The following CMIP variants were observed in gnomAD, a reference collection of about 807,000 sequenced individuals.
CMIP encodes the protein C-Maf-inducing protein.
CMIP carries 13 observed loss-of-function variants against 97.3 expected under a neutral mutation model. The observed-to-expected ratio is 0.13, with a 90% CI of 0.09 to 0.21. The LOEUF is 0.21. Ranked by LOEUF, CMIP falls within the 10% of genes least tolerant of loss-of-function variation. The probability of loss-of-function intolerance (pLI) is 1.00; values close to 1 mark genes in which losing one functional copy is unlikely to be tolerated. For missense variants in CMIP, 847 were observed against 1,024.9 expected (o/e 0.83, Z 2.37); for synonymous variants, 538 against 436.3 (o/e 1.23, Z -2.91).
intron 1 of CMIP, among the ~76,000 whole-genome samples, chr16:81,553,072 G>C (rs528603355): frequency 5.0e-4 from 76 of 152,314 alleles, no homozygotes; most frequent in Non-Finnish European, 8.7e-4. Context: ...GGGGATAAAT[G>C]TTGTGAAGAC....
intron 1 of CMIP, among the ~76,000 whole-genome samples, chr16:81,473,823 T>G (rs893912805): frequency 1.3e-4 from 19 of 151,606 alleles, no homozygotes; most frequent in Non-Finnish European, 1.6e-4. Flanking sequence ...TTTTTTTTTT[T>G]TTTTTTTTCT....
intron 1 of CMIP, among the ~76,000 whole-genome samples, chr16:81,457,577 G>A (rs994999451): frequency 6.6e-6 from 1 of 152,346 alleles, no homozygotes; most frequent in East Asian, 1.9e-4. Flanking sequence ...CCCGTGATAC[G>A]TAACAAGCAG....
chr16:81,556,676 G>C (rs1053660443), intron 1 of CMIP, among the ~76,000 whole-genome samples: 1 of 152,186 alleles, frequency 6.6e-6, no homozygotes, highest in South Asian at 2.1e-4. Flanking sequence ...GCCGACAGTG[G>C]CGATGGTTGC....
chr16:81,554,487 G>A (rs2090722448), intron 1 of CMIP, among the ~76,000 whole-genome samples: 1 of 152,222 alleles, frequency 6.6e-6, no homozygotes, highest in African/African-American at 2.4e-5. Flanking sequence ...CCCAGAGGCA[G>A]CTGCAGAACC....
At chr16:81,452,067 T>A (rs1906252507) in intron 1 of CMIP, among the ~76,000 whole-genome samples, 1 of 152,214 alleles carries the variant, frequency 6.6e-6, no homozygotes, top group South Asian at 2.1e-4. Context: ...AGAGAAAATA[T>A]TTCTGGTGCT....
At chr16:81,567,683 C>A (rs1366258593) in intron 1 of CMIP, among the ~76,000 whole-genome samples, 2 of 152,210 alleles carry the variant, frequency 1.3e-5, no homozygotes, top group Admixed American at 6.5e-5. Context: ...CCCTCAGGAC[C>A]CTCCTGCTCT....
At chr16:81,600,823 A>G (rs1474610197) in intron 1 of CMIP, among the ~76,000 whole-genome samples, 1 of 152,182 alleles carries the variant, frequency 6.6e-6, no homozygotes. Context: ...AGCCACTTTG[A>G]GCACCACTGC....
intron 1 of CMIP, among the ~76,000 whole-genome samples, chr16:81,532,068 A>G (rs1016347591): frequency 3.9e-5 from 6 of 152,160 alleles, no homozygotes; most frequent in Admixed American, 6.5e-5. Context: ...TCTCCTAGCA[A>G]TCTGGTGAGC....
chr16:81,694,808 C>G (rs734119), intron 13 of CMIP, among the ~76,000 whole-genome samples: 3,623 of 152,278 alleles, frequency 0.024, 140 homozygotes, highest in African/African-American at 0.082. Flanking sequence ...CTTGAAGACT[C>G]TAGTTCCAAA....
At chr16:81,703,465 GCACAGA>G (rs900828803) in intron 17 of CMIP, among the ~76,000 whole-genome samples, 7 of 151,914 alleles carry the variant, frequency 4.6e-5, no homozygotes, top group Non-Finnish European at 1.0e-4. Context: ...ACACCCTGAT[GCACAGA>G]CACAGACACA....
intron 1 of CMIP, among the ~76,000 whole-genome samples, chr16:81,537,145 C>T (rs907526178): frequency 6.6e-6 from 1 of 152,176 alleles, no homozygotes; most frequent in African/African-American, 2.4e-5. Context: ...AGAGCAGGGT[C>T]CCCCCTGCTC....
At chr16:81,473,671 C>A (rs1432683160) in intron 1 of CMIP, among the ~76,000 whole-genome samples, 1 of 151,898 alleles carries the variant, frequency 6.6e-6, no homozygotes, top group Non-Finnish European at 1.5e-5. Flanking sequence ...AAATCTCACT[C>A]ATGATTTTCG....
At chr16:81,706,801 C>T (rs937039688) in intron 19 of CMIP, among the ~76,000 whole-genome samples, 5 of 152,146 alleles carry the variant, frequency 3.3e-5, no homozygotes, top group Non-Finnish European at 7.4e-5. Context: ...GGGAAGAAAA[C>T]GAAGGCTCTG....
chr16:81,543,501 G>A (rs909227756), intron 1 of CMIP, among the ~76,000 whole-genome samples: 2 of 152,162 alleles, frequency 1.3e-5, no homozygotes, highest in Non-Finnish European at 1.5e-5. Context: ...TTCCAGCAGA[G>A]CAGCAGGACT....
At chr16:81,639,050 C>CTG (rs1191937177) in intron 3 of CMIP, among the ~76,000 whole-genome samples, 1 of 152,062 alleles carries the variant, frequency 6.6e-6, no homozygotes, top group Non-Finnish European at 1.5e-5. Context: ...AGGATTGTTC[C>CTG]TGTGTGTGTG....
At chr16:81,673,344 C>T (rs558287625) in intron 9 of CMIP, among the ~76,000 whole-genome samples, 148 of 152,146 alleles carry the variant, frequency 9.7e-4, no homozygotes, top group African/African-American at 3.0e-3. Flanking sequence ...AGTGAAACCC[C>T]GTCTCTACTA....
At chr16:81,697,271 A>T (rs1485526398) in intron 14 of CMIP, 1 of 152,830 alleles carries the variant, frequency 6.5e-6, no homozygotes, top group Admixed American at 6.5e-5. Flanking sequence ...ACCTCTGTTG[A>T]AACAGAGGCC....
intron 1 of CMIP, chr16:81,495,401 C>A: frequency 6.4e-7 from 1 of 1,562,260 alleles, no homozygotes; most frequent in Non-Finnish European, 8.7e-7. Flanking sequence ...GAACAACAAA[C>A]CAAGCCGGCC....
chr16:81,461,735 G>C (rs1906909402), intron 1 of CMIP, among the ~76,000 whole-genome samples: 1 of 152,232 alleles, frequency 6.6e-6, no homozygotes, highest in Non-Finnish European at 1.5e-5. Flanking sequence ...TTGCAAAGCA[G>C]TGCCTGGATC....
Sources: allele counts gnomAD v4.1 joint callset (sites outside exome capture counted in the v4.1 genomes callset), GRCh38; gene constraint gnomAD v4.1.1; transcripts MANE v1.5; gene names NCBI Gene and HGNC (gene_info 2026-07-23, HGNC 2026-07-21).